The following GPR137B variants were observed in gnomAD, a reference collection of about 807,000 sequenced individuals.
GPR137B encodes G protein-coupled receptor 137B, also known as integral membrane protein GPR137B.
Under a neutral mutation model 42.5 loss-of-function variants are expected in GPR137B, and 42 were observed. That is an observed-to-expected ratio of 0.99 (90% CI 0.77 to 1.28). The LOEUF (loss-of-function observed/expected upper bound fraction) is 1.28. Among genes scored for constraint, GPR137B ranks in the 50% most tolerant of loss-of-function variants. The pLI is 0.00. For missense variants in GPR137B, 487 were observed against 493.9 expected, an observed-to-expected ratio of 0.99 and a Z score of 0.13; for synonymous variants, 218 against 209.7, an observed-to-expected ratio of 1.04 and a Z score of -0.34.
Position 236,195,552 on chromosome 1 carries a change from A to G in GPR137B, c.967-9574A>G, listed in dbSNP as rs573219012. Among the ~76,000 whole-genome samples, 68 of 152,328 alleles carry G rather than the reference A, an allele frequency of 4.5e-4. 1 individual carries two copies. The South Asian group carries it at 6.8e-3, about 15-fold the overall frequency. ...CTTCCAAAGCTTAGCTATTGTGAACAGTGCTGCAACAAACACAGGATTGCA... is the reference window on the plus strand; with the variant it reads ...CTTCCAAAGCTTAGCTATTGTGAACGGTGCTGCAACAAACACAGGATTGCA... On this transcript the variant is annotated intron_variant, in intron 5 of 6. Coordinates refer to ENST00000366592, the MANE Select transcript of GPR137B (RefSeq NM_003272.4).
intron 5 of GPR137B, among the ~76,000 whole-genome samples, chr1:236,189,367 A>AT (rs1375307802): frequency 6.6e-6 from 1 of 151,844 alleles, no homozygotes; most frequent in Non-Finnish European, 1.5e-5. Flanking sequence ...TAGCTTTTGA[A>AT]TTTGTTTGCT....
intron 1 of GPR137B, among the ~76,000 whole-genome samples, chr1:236,147,273 G>C (rs570445470): frequency 6.6e-6 from 1 of 152,184 alleles, no homozygotes; most frequent in Non-Finnish European, 1.5e-5. Flanking sequence ...ACACTCTCTC[G>C]TGACTGCCAG....
intron 4 of GPR137B, among the ~76,000 whole-genome samples, chr1:236,182,841 A>G (rs1662922685): frequency 6.6e-6 from 1 of 152,178 alleles, no homozygotes; most frequent in Non-Finnish European, 1.5e-5. Flanking sequence ...ATGGTTATCT[A>G]GATGTGTGTT....
intron 5 of GPR137B, among the ~76,000 whole-genome samples, chr1:236,197,014 TTC>T (rs1663358923): frequency 6.6e-6 from 1 of 152,182 alleles, no homozygotes; most frequent in Non-Finnish European, 1.5e-5. Context: ...TATAAAAGTG[TTC>T]TTTTTTACTA....
chr1:236,147,289 C>CTT (rs1661708209), intron 1 of GPR137B, among the ~76,000 whole-genome samples: 1 of 152,218 alleles, frequency 6.6e-6, no homozygotes, highest in South Asian at 2.1e-4. Flanking sequence ...GCCAGCGTGT[C>CTT]GGCCTCTGGT....
chr1:236,155,215 G>T lies in GPR137B; in HGVS notation c.414+12179G>T, dbSNP rs1263996999. ...GGCCGGGCCGCAGCTATTCCTGCGG[G>T]GCTTCCAGGGCGGAGGACACGGGCT... is the stretch of plus-strand genomic sequence containing the variant. On this transcript the variant is annotated intron_variant, in intron 1 of 6. Coordinates refer to ENST00000366592, the MANE Select transcript of GPR137B (RefSeq NM_003272.4). The surrounding 1 kb of genome is among the most constrained non-coding windows in gnomAD (Gnocchi z 4.6). Among the ~76,000 whole-genome samples the T allele has an allele frequency of 2.0e-5, 3 of 152,234 alleles. No homozygotes were observed. The highest frequency in any genetic ancestry group is 7.2e-5 in the African/African-American group (3 of 41,464).
chr1:236,187,588 A>C (rs893352851), intron 5 of GPR137B, among the ~76,000 whole-genome samples: 1 of 152,132 alleles, frequency 6.6e-6, no homozygotes, highest in African/African-American at 2.4e-5. Flanking sequence ...TAAATAGGAA[A>C]TCTTTCCCCA....
intron 1 of GPR137B, among the ~76,000 whole-genome samples, chr1:236,161,622 G>T (rs1662200470): frequency 6.6e-6 from 1 of 152,128 alleles, no homozygotes; most frequent in African/African-American, 2.4e-5. Context: ...ATTTCCAAGT[G>T]TTGTGGGAGG....
chr1:236,178,632 C>CCAAG lies in GPR137B; in HGVS notation c.684_687dup (p.Gly230GlnfsTer42), dbSNP rs1046686253. 1.9e-6 allele frequency: 3 copies of CCAAG among 1,587,160 alleles called. No individual in the cohort carries two copies. The highest frequency in any genetic ancestry group is 2.6e-6 in the Non-Finnish European group (3 of 1,157,266). On this transcript the variant is annotated frameshift_variant, in exon 3 of 7. Coordinates refer to ENST00000366592, the MANE Select transcript of GPR137B (RefSeq NM_003272.4). LOFTEE classifies it high-confidence loss of function. ...TCCTTAGCCAACATTTACTTGGAGT[C>CCAAG]CAAGGTAGGTGGAAATGTGGTCAAG... is the stretch of plus-strand genomic sequence containing the variant.
In GPR137B at chr1:236,192,947, T is replaced by C. The variant is rs1572003038; in HGVS notation, c.966+9041T>C. On this transcript the variant is annotated intron_variant, in intron 5 of 6. Coordinates refer to ENST00000366592, the MANE Select transcript of GPR137B (RefSeq NM_003272.4). Reference sequence around the variant, plus strand: ...TCTGGCTCTGTCACCCAGGCTGGAGTGGAGTGGGGTGATCTCAGCTCACTG... The same window carrying C: ...TCTGGCTCTGTCACCCAGGCTGGAGCGGAGTGGGGTGATCTCAGCTCACTG... Among the ~76,000 whole-genome samples the C allele has an allele frequency of 1.3e-5, 2 of 152,084 alleles. 1 individual carries two copies. Among genetic ancestry groups the C allele is most frequent in the Non-Finnish European group, 2.9e-5 (2 of 67,980 alleles).
chr1:236,153,504 T>A (rs1050815742), intron 1 of GPR137B, among the ~76,000 whole-genome samples: 1 of 152,240 alleles, frequency 6.6e-6, no homozygotes, highest in African/African-American at 2.4e-5. Flanking sequence ...AGAGACTACA[T>A]TTTATTTATC....
At chr1:236,173,421 A>AGGAAGGAG (rs386370067) in intron 2 of GPR137B, among the ~76,000 whole-genome samples, 14 of 144,424 alleles carry the variant, frequency 9.7e-5, no homozygotes, top group African/African-American at 3.6e-4. Context: ...AGAGAGAGGA[A>AGGAAGGAG]GGAGGGAGGG....
chr1:236,142,695 C>T lies in GPR137B; in HGVS notation c.73C>T (p.Arg25Cys), dbSNP rs936675599. Residue 25 changes from arginine (R) to cysteine (C), a missense_variant, in exon 1 of 7, where the codon CGC becomes TGC. Physicochemically the swap from Arg to Cys is radical, Grantham distance 180 (BLOSUM62 -3). Transcript: ENST00000366592. ...GGAGACCCCGCCGTGGGACCCAGCC[C>T]GCAACGACTCGCTGCCGCCCACGCT... ...PMETPPWDPA[R>C]NDSLPPTLTP... The T allele has an allele frequency of 1.3e-6, 2 of 1,585,992 alleles. No individual in the cohort carries two copies. Among genetic ancestry groups the T allele is most frequent in the African/African-American group, 1.3e-5 (1 of 74,386 alleles).
chr1:236,178,958 T>C lies in GPR137B; in HGVS notation c.687+322T>C, dbSNP rs567876172. Among the ~76,000 whole-genome samples, 249 of 150,610 alleles carry C rather than the reference T, an allele frequency of 1.7e-3. 2 individuals are homozygous for C. The highest frequency in any genetic ancestry group is 5.7e-3 in the African/African-American group (235 of 41,096). ...GACTACAGGCACCCACCACTACGCC[T>C]GGCTAATTTTTTGTATTTTTAGTAG... On this transcript the variant is annotated intron_variant, in intron 3 of 6. Transcript: ENST00000366592.
intron 5 of GPR137B, among the ~76,000 whole-genome samples, chr1:236,202,200 A>T (rs1411462852): frequency 6.6e-6 from 1 of 152,070 alleles, no homozygotes; most frequent in Non-Finnish European, 1.5e-5. Context: ...AAGTATGTTT[A>T]GTATGCTGGC....
intron 2 of GPR137B, among the ~76,000 whole-genome samples, chr1:236,169,102 A>G (rs1312614137): frequency 6.6e-6 from 1 of 152,198 alleles, no homozygotes; most frequent in Non-Finnish European, 1.5e-5. Context: ...AGAAGGAAAC[A>G]GGGTTCCTTG....
Position 236,155,700 on chromosome 1 carries a change from C to T in GPR137B, c.414+12664C>T, listed in dbSNP as rs901763513. On this transcript the variant is annotated intron_variant, in intron 1 of 6. Transcript: ENST00000366592. The surrounding 1 kb of genome is among the most constrained non-coding windows in gnomAD (Gnocchi z 4.6). Reference sequence around the variant, plus strand: ...GAGGCTCAGGGAGGCTCTCGTGAGCCGATGGAGGGGTGGAGGAGGGGAGAG... The same window carrying T: ...GAGGCTCAGGGAGGCTCTCGTGAGCTGATGGAGGGGTGGAGGAGGGGAGAG... Among the ~76,000 whole-genome samples, 2 of 151,910 alleles carry T rather than the reference C, an allele frequency of 1.3e-5. No homozygotes were observed. Among genetic ancestry groups the T allele is most frequent in the African/African-American group, 4.8e-5 (2 of 41,340 alleles).
At chr1:236,187,971 G>A (rs928682354) in intron 5 of GPR137B, among the ~76,000 whole-genome samples, 1 of 152,154 alleles carries the variant, frequency 6.6e-6, no homozygotes, top group South Asian at 2.1e-4. Flanking sequence ...AGCATGGAAT[G>A]TTTTTCCATT....
At chr1:236,163,665 C>T (rs920014990) in intron 1 of GPR137B, among the ~76,000 whole-genome samples, 2 of 152,126 alleles carry the variant, frequency 1.3e-5, no homozygotes, top group African/African-American at 4.8e-5. Flanking sequence ...GCTTTTGCTT[C>T]TTCCTCATTT....
Sources: gnomAD v4.1 joint callset for allele counts (sites outside exome capture counted in the v4.1 genomes callset) on GRCh38, gnomAD v4.1.1 for gene constraint, Gnocchi (gnomAD v3.1) non-coding constraint, MANE v1.5 for transcripts, NCBI Gene and HGNC (gene_info 2026-07-23, HGNC 2026-07-21) for gene names.